The following TRIQK variants were observed in gnomAD, a reference collection of about 807,000 sequenced individuals.
TRIQK encodes the protein triple QxxK/R motif containing, also known as triple QxxK/R motif-containing protein.
Under a neutral mutation model 10.8 loss-of-function variants are expected in TRIQK, and 10 were observed. The observed-to-expected ratio is 0.92, with a 90% CI of 0.57 to 1.57. The LOEUF (loss-of-function observed/expected upper bound fraction) is 1.57, where lower values mean the gene tolerates loss of function less well. Ranked by LOEUF, TRIQK falls within the 40% of genes most tolerant of loss-of-function variation. The pLI, the probability that TRIQK is intolerant of heterozygous loss-of-function variation, is 0.00. For missense variants in TRIQK, 107 were observed against 97.7 expected, an observed-to-expected ratio of 1.09 and a Z score of -0.40; for synonymous variants, 33 against 33.7, an observed-to-expected ratio of 0.98 and a Z score of 0.07.
intron 1 of TRIQK, among the ~76,000 whole-genome samples, chr8:93,016,143 ATTAC>A (rs1360551034): frequency 6.6e-6 from 1 of 152,206 alleles, no homozygotes; most frequent in Non-Finnish European, 1.5e-5. Flanking sequence ...AAGGACTCAC[ATTAC>A]TCAGAGTATA....
intron 3 of TRIQK, among the ~76,000 whole-genome samples, chr8:92,898,359 A>G (rs1425214826): frequency 6.6e-6 from 1 of 152,170 alleles, no homozygotes; most frequent in Non-Finnish European, 1.5e-5. Context: ...TGTAGTTGAA[A>G]GGCTAAAGAA....
intron 2 of TRIQK, among the ~76,000 whole-genome samples, chr8:92,928,503 G>A (rs1810557312): frequency 6.6e-6 from 1 of 152,110 alleles, no homozygotes; most frequent in Non-Finnish European, 1.5e-5. Context: ...CATATTCCTG[G>A]GCCCCATCAC....
chr8:92,892,930 C>G (rs535576527), intron 3 of TRIQK, among the ~76,000 whole-genome samples: 1 of 152,014 alleles, frequency 6.6e-6, no homozygotes, highest in Non-Finnish European at 1.5e-5. Flanking sequence ...TCAAAATGAG[C>G]CTCAAACATA....
chr8:92,993,891 G>A (rs915176152), intron 1 of TRIQK, among the ~76,000 whole-genome samples: 1 of 152,058 alleles, frequency 6.6e-6, no homozygotes, highest in Non-Finnish European at 1.5e-5. Flanking sequence ...TTCCTTATTC[G>A]AGTAAGAGAT....
chr8:92,999,159 AT>A (rs1228563565), intron 1 of TRIQK, among the ~76,000 whole-genome samples: 4 of 152,148 alleles, frequency 2.6e-5, no homozygotes, highest in African/African-American at 9.6e-5. Flanking sequence ...ATTTACAAAG[AT>A]TTTGGTAACA....
chr8:92,933,684 C>T (rs1810845546), intron 2 of TRIQK, among the ~76,000 whole-genome samples: 1 of 152,092 alleles, frequency 6.6e-6, no homozygotes, highest in Non-Finnish European at 1.5e-5. Context: ...TGTGTAGCCA[C>T]ATACTGTATG....
At chr8:93,000,553 G>A (rs1425308182) in intron 1 of TRIQK, among the ~76,000 whole-genome samples, 1 of 152,070 alleles carries the variant, frequency 6.6e-6, no homozygotes, top group African/African-American at 2.4e-5. Flanking sequence ...GGGATTATGG[G>A]AGCTACAATT....
chr8:92,917,281 C>T (rs1809914648), intron 2 of TRIQK, among the ~76,000 whole-genome samples: 1 of 151,892 alleles, frequency 6.6e-6, no homozygotes, highest in South Asian at 2.1e-4. Flanking sequence ...TGTTAAATAA[C>T]ATTATCTGTA....
chr8:92,982,111 AAAAT>A (rs1488513506), intron 1 of TRIQK, among the ~76,000 whole-genome samples: 2 of 151,812 alleles, frequency 1.3e-5, no homozygotes, highest in African/African-American at 4.8e-5. Flanking sequence ...TTTCCTTAGA[AAAAT>A]AAATATTTAA....
At chr8:92,917,329 G>C (rs1809917225) in intron 2 of TRIQK, among the ~76,000 whole-genome samples, 1 of 151,788 alleles carries the variant, frequency 6.6e-6, no homozygotes, top group Non-Finnish European at 1.5e-5. Flanking sequence ...AGATAGGTTG[G>C]GGCTTTTGGC....
chr8:92,919,445 T>C (rs1810052119), intron 2 of TRIQK, among the ~76,000 whole-genome samples: 1 of 151,970 alleles, frequency 6.6e-6, no homozygotes, highest in Admixed American at 6.6e-5. Flanking sequence ...ATCATGTTTA[T>C]TGATATGTGT....
chr8:92,958,578 A>G (rs1459167494), intron 1 of TRIQK, among the ~76,000 whole-genome samples: 1 of 152,044 alleles, frequency 6.6e-6, no homozygotes, highest in African/African-American at 2.4e-5. Context: ...AGAGATGGAA[A>G]AGAGAAGATG....
intron 1 of TRIQK, among the ~76,000 whole-genome samples, chr8:92,985,813 C>T (rs1251122248): frequency 6.6e-6 from 1 of 152,070 alleles, no homozygotes; most frequent in African/African-American, 2.4e-5. Flanking sequence ...TAGATGGATC[C>T]TATCCTTTCA....
intron 3 of TRIQK, among the ~76,000 whole-genome samples, chr8:92,903,249 T>C (rs1809052758): frequency 1.3e-5 from 2 of 152,168 alleles, no homozygotes; most frequent in Admixed American, 1.3e-4. Context: ...ACTTTGCTAG[T>C]TATTGTTTAT....
At chr8:93,012,263 T>G (rs1813342728) in intron 1 of TRIQK, among the ~76,000 whole-genome samples, 1 of 152,114 alleles carries the variant, frequency 6.6e-6, no homozygotes, top group Non-Finnish European at 1.5e-5. Flanking sequence ...TAAAAATAAT[T>G]AACATTCTGT....
rs887535579 is a variant in TRIQK at position 93,015,849 on chromosome 8, A to G, written c.-181+1760T>C. Among the ~76,000 whole-genome samples the G allele has an allele frequency of 1.3e-4, 20 of 152,216 alleles. 1 individual carries two copies. The highest frequency in any genetic ancestry group is 4.8e-4 in the African/African-American group (20 of 41,558). The stretch of plus-strand genomic sequence containing the variant: ...CATTATGGGGCCTGTACTTTTCACA[A>G]AGCAGGAGAGATTTTTGCATCTTAC... On this transcript the variant is annotated intron_variant, in intron 1 of 4. Transcript: ENST00000520686.
intron 1 of TRIQK, among the ~76,000 whole-genome samples, chr8:92,982,987 C>G (rs1813000934): frequency 6.6e-6 from 1 of 151,770 alleles, no homozygotes; most frequent in Non-Finnish European, 1.5e-5. Flanking sequence ...CCTTAATGTT[C>G]TCATTTATGA....
intron 1 of TRIQK, among the ~76,000 whole-genome samples, chr8:92,987,586 A>C (rs16915411): frequency 0.17 from 25,854 of 152,132 alleles, 2,478 homozygotes; most frequent in East Asian, 0.43. Context: ...TTGGTGAGCT[A>C]TTACCAGAAG....
intron 4 of TRIQK, among the ~76,000 whole-genome samples, chr8:92,890,619 G>T (rs2130255853): frequency 6.6e-6 from 1 of 151,744 alleles, no homozygotes; most frequent in Middle Eastern, 3.4e-3. Flanking sequence ...TATAAAACTG[G>T]TATATAAATA....
Sources: gnomAD v4.1 joint callset for allele counts (sites outside exome capture counted in the v4.1 genomes callset) on GRCh38, gnomAD v4.1.1 for gene constraint, MANE v1.5 for transcripts, NCBI Gene and HGNC (gene_info 2026-07-23, HGNC 2026-07-21) for gene names.